Variants in PDE7B observed in about 807,000 individuals in gnomAD.
PDE7B encodes 3',5'-cyclic-AMP phosphodiesterase 7B.
A neutral mutation model predicts 56.2 loss-of-function variants in PDE7B; 29 were observed. That is an observed-to-expected ratio of 0.52 (90% CI 0.38 to 0.70). The LOEUF (loss-of-function observed/expected upper bound fraction) is 0.70, where lower values mean the gene tolerates loss of function less well. Ranked by LOEUF, PDE7B falls within the 30% of genes least tolerant of loss-of-function variation. The pLI is 0.00. For missense variants in PDE7B, 490 were observed against 565.0 expected (o/e 0.87, Z 1.35); for synonymous variants, 197 against 196.9 (o/e 1.00, Z 0.00).
chr6:136,126,276 C>A (rs983392742), intron 3 of PDE7B, among the ~76,000 whole-genome samples: 2 of 152,146 alleles, frequency 1.3e-5, no homozygotes, highest in Non-Finnish European at 2.9e-5. Context: ...CCTCCTCTCA[C>A]CCACAACCCC....
Position 136,192,018 on chromosome 6 carries a change from C to T in PDE7B, c.*178C>T, listed in dbSNP as rs1320200403. 2 of 603,044 alleles carry T rather than the reference C, an allele frequency of 3.3e-6. No homozygotes were observed. The highest frequency in any genetic ancestry group is 5.9e-6 in the Non-Finnish European group (2 of 339,804). The allele number at this position is 603,044 out of a possible 1,614,324, so 37.4% of individuals were successfully genotyped here. ...CCTCCTTTTCGCAAATGTACAGAAGCCATTTGTCACCTCAGCATTCGCTGC... is the reference window on the plus strand; with the variant it reads ...CCTCCTTTTCGCAAATGTACAGAAGTCATTTGTCACCTCAGCATTCGCTGC... On this transcript the variant is annotated 3_prime_UTR_variant, in exon 13 of 13. Transcript: ENST00000308191.
intron 2 of PDE7B, among the ~76,000 whole-genome samples, chr6:136,084,864 C>CA (rs1202651037): frequency 6.6e-6 from 1 of 152,136 alleles, no homozygotes; most frequent in Non-Finnish European, 1.5e-5. Flanking sequence ...AAATAATTTG[C>CA]AGGGGGTTCA....
intron 1 of PDE7B, among the ~76,000 whole-genome samples, chr6:135,877,497 A>G (rs1268269001): frequency 1.3e-5 from 2 of 151,420 alleles, no homozygotes; most frequent in Admixed American, 6.6e-5. Flanking sequence ...TTGGCTTGTC[A>G]CTTCCCTGGA....
At chr6:135,960,418 T>C (rs1386634428) in intron 2 of PDE7B, among the ~76,000 whole-genome samples, 1 of 152,226 alleles carries the variant, frequency 6.6e-6, no homozygotes, top group African/African-American at 2.4e-5. Flanking sequence ...TTTCAATTAC[T>C]GTATTTAACA....
chr6:135,931,085 A>G (rs930672635), intron 1 of PDE7B, among the ~76,000 whole-genome samples: 15 of 152,220 alleles, frequency 9.9e-5, no homozygotes, highest in African/African-American at 1.7e-4. Flanking sequence ...AAAGGTCACA[A>G]AAGAGGTTTG....
intron 2 of PDE7B, chr6:136,037,710 G>C (rs1353396452): frequency 2.8e-5 from 28 of 985,478 alleles, no homozygotes; most frequent in South Asian, 1.4e-4. Flanking sequence ...TCCAGCAAGG[G>C]GGGAGCCCCT....
Position 135,927,046 on chromosome 6 carries a change from T to C in PDE7B, c.22-20418T>C, listed in dbSNP as rs1388191937. ...GCAGCCTATTCATCTAACATACTTG[T>C]TAGCATATAGTTTAATGAGCTTTTT... is the stretch of plus-strand genomic sequence containing the variant. On this transcript the variant is annotated intron_variant, in intron 1 of 12. Coordinates refer to ENST00000308191, the MANE Select transcript of PDE7B (RefSeq NM_018945.4). Among the ~76,000 whole-genome samples, 4 of 152,246 alleles carry C rather than the reference T, an allele frequency of 2.6e-5. No homozygotes were observed. In the East Asian group the frequency reaches 7.7e-4, roughly 29 times the overall value.
chr6:136,145,838 A>G (rs894287822), intron 3 of PDE7B, among the ~76,000 whole-genome samples: 4 of 152,096 alleles, frequency 2.6e-5, no homozygotes, highest in African/African-American at 7.2e-5. Flanking sequence ...TCTCATCTGT[A>G]TCTATACTTA....
At chr6:135,859,984 C>G (rs762662950) in intron 1 of PDE7B, among the ~76,000 whole-genome samples, 1 of 151,894 alleles carries the variant, frequency 6.6e-6, no homozygotes, top group Admixed American at 6.6e-5. Flanking sequence ...CCTAAAGCCC[C>G]GAGTTCAAGT....
rs1554285547 is a variant in PDE7B, at chr6:136,181,772, A to AAT, written c.1045+450_1045+451insTA. ...TCTCCTTGCTTTCTTAAAAAAAAAAAAATAATGAAATTGGACACAGCTGAC... is the reference window on the plus strand; with the variant it reads ...TCTCCTTGCTTTCTTAAAAAAAAAAAATAATAATGAAATTGGACACAGCTGAC... On this transcript the variant is annotated intron_variant, in intron 11 of 12. Transcript: ENST00000308191. 2.4e-4 allele frequency among the ~76,000 whole-genome samples: 36 copies of AAT among 152,226 alleles called. 1 individual carries two copies. The highest frequency in any genetic ancestry group is 8.7e-4 in the African/African-American group (36 of 41,486).
chr6:136,107,159 G>A (rs980741543), intron 2 of PDE7B, among the ~76,000 whole-genome samples: 9 of 152,298 alleles, frequency 5.9e-5, no homozygotes, highest in African/African-American at 2.2e-4. Context: ...AGTTGCATGA[G>A]TTGCAGCTGA....
At chr6:136,013,649 G>A (rs1018118510) in intron 2 of PDE7B, among the ~76,000 whole-genome samples, 1 of 152,176 alleles carries the variant, frequency 6.6e-6, no homozygotes, top group Non-Finnish European at 1.5e-5. Context: ...GAATTAGCCT[G>A]GTGAAGGAGT....
At chr6:136,108,896 C>G (rs966540793) in intron 3 of PDE7B, 82 bp downstream of exon 3, 4 of 898,464 alleles carry the variant, frequency 4.5e-6, no homozygotes. Flanking sequence ...CTCTGAACTT[C>G]GAAACCTTCT....
At chr6:135,868,891 G>C (rs1775316992) in intron 1 of PDE7B, among the ~76,000 whole-genome samples, 1 of 152,120 alleles carries the variant, frequency 6.6e-6, no homozygotes, top group Non-Finnish European at 1.5e-5. Flanking sequence ...TGGCTCAATT[G>C]TTTTTTGACT....
chr6:135,932,258 A>C lies in PDE7B; in HGVS notation c.22-15206A>C, dbSNP rs373787013. ...TATTTGATAGCACAACAGGGTGACT[A>C]TAATCAATAATTACTCAACTATACA... On this transcript the variant is annotated intron_variant, in intron 1 of 12. Transcript: ENST00000308191. 5.3e-5 allele frequency among the ~76,000 whole-genome samples: 8 copies of C among 152,308 alleles called. No individual in the cohort carries two copies. The East Asian group carries it at 1.5e-3, about 29-fold the overall frequency.
At chr6:136,139,200 A>C (rs1188525108) in intron 3 of PDE7B, among the ~76,000 whole-genome samples, 1 of 152,046 alleles carries the variant, frequency 6.6e-6, no homozygotes, top group Non-Finnish European at 1.5e-5. Flanking sequence ...ATTCCCACCT[A>C]TGAGTGAGAA....
chr6:135,972,230 TC>T, intron 2 of PDE7B, among the ~76,000 whole-genome samples: 1 of 71,036 alleles, frequency 1.4e-5, no homozygotes. Context: ...GCTAAACTGT[TC>T]TCAAAAAAAA....
intron 1 of PDE7B, among the ~76,000 whole-genome samples, chr6:135,868,457 T>G (rs1775307325): frequency 6.6e-6 from 1 of 152,044 alleles, no homozygotes; most frequent in Non-Finnish European, 1.5e-5. Flanking sequence ...AGACGGAGTC[T>G]CGCTCTGTCA....
chr6:136,114,811 A>C (rs1777804572), intron 3 of PDE7B: 1 of 152,218 alleles, frequency 6.6e-6, no homozygotes, highest in East Asian at 1.9e-4. Flanking sequence ...TTCAAAGTTC[A>C]ATATTTACCT....
Sources: gnomAD v4.1 joint callset for allele counts (sites outside exome capture counted in the v4.1 genomes callset) on GRCh38, gnomAD v4.1.1 for gene constraint, MANE v1.5 for transcripts, NCBI Gene and HGNC (gene_info 2026-07-23, HGNC 2026-07-21) for gene names.